ASTE1: variants seen among roughly 807,000 people sequenced by gnomAD.
The protein encoded by ASTE1 is asteroid structure-specific endonuclease 1, also known as single-strand DNA endonuclease ASTE1.
In ASTE1, 49 loss-of-function variants were observed where a neutral mutation model predicts 45.8. The ratio of observed to expected loss-of-function variants is 1.07; its 90% CI spans 0.85 to 1.36. ASTE1 has a LOEUF of 1.36. Ranked by LOEUF, ASTE1 falls within the 40% of genes most tolerant of loss-of-function variation. ASTE1 has a pLI of 0.00. For missense variants in ASTE1, 709 were observed against 804.0 expected, an observed-to-expected ratio of 0.88 and a Z score of 1.43; for synonymous variants, 296 against 303.9, an observed-to-expected ratio of 0.97 and a Z score of 0.27.
In ASTE1 at chr3:131,024,717, C is replaced by T; in HGVS notation, c.590G>A (p.Cys197Tyr). 2 of 1,605,208 alleles carry T rather than the reference C, an allele frequency of 1.2e-6. No homozygotes were observed. The highest frequency in any genetic ancestry group is 8.5e-7 in the Non-Finnish European group (1 of 1,175,620). Residue 197 changes from cysteine to tyrosine, a missense_variant, in exon 3 of 6, where the codon TGC (cysteine) becomes TAC (tyrosine). Transcript: ENST00000264992. The part of the protein sequence containing the change: ...KGTQNYIPAK[C>Y]FSLDAFCHHF... ...ATGGCAGAATGCATCAAGGGAAAAG[C>T]ATTTGGCAGGGATATAGTTTTGTGT... is the stretch of plus-strand genomic sequence containing the variant.
rs781599752 is a variant in ASTE1 at position 131,014,144 on chromosome 3, G to A, written c.1953C>T (p.Thr651=). 6.2e-7 allele frequency: 1 copy of A among 1,613,386 alleles called. No homozygotes were observed. The highest frequency in any genetic ancestry group is 1.1e-5 in the South Asian group (1 of 90,990). Residue 651 remains threonine, a synonymous_variant, in exon 6 of 6, where the codon ACC becomes ACT. Transcript: ENST00000264992. ...GGTTGTTTCCCTCATACCAACACTT[G>A]GTGTGTGCAGTGGTTCTCCCTCTGT... The part of the protein sequence containing the change: ...SKNRGRTTAH[T]KCWYEGNNRF...
At chr3:131,018,093 G>T (rs2063687104) in intron 4 of ASTE1, among the ~76,000 whole-genome samples, 1 of 152,112 alleles carries the variant, frequency 6.6e-6, no homozygotes, top group South Asian at 2.1e-4. Flanking sequence ...GAATGTAGTG[G>T]TTGTAGGTAT....
rs1179384953 is a variant in ASTE1, at chr3:131,016,298, C to T, written c.1555G>A (p.Ala519Thr). Residue 519 changes from alanine (A) to threonine (T), a missense_variant, in exon 5 of 6, where the codon GCA (alanine) becomes ACA (threonine). Transcript: ENST00000264992. Reference protein sequence around the residue: ...LQEDGAKMLYAEFQRVKAQTR... With the variant: ...LQEDGAKMLYTEFQRVKAQTR... Reference sequence around the variant, plus strand: ...TGCGCCTTCACTCTTTGGAACTCTGCATACAACATCTTAGCACCATCTTCC... The same window carrying T: ...TGCGCCTTCACTCTTTGGAACTCTGTATACAACATCTTAGCACCATCTTCC... The T allele has an allele frequency of 6.2e-7, 1 of 1,614,044 alleles. No individual in the cohort carries two copies. The highest frequency in any genetic ancestry group is 1.3e-5 in the African/African-American group (1 of 74,904).
At chr3:131,020,191 CTGACT>C (rs1393315349) in intron 3 of ASTE1, among the ~76,000 whole-genome samples, 1 of 152,212 alleles carries the variant, frequency 6.6e-6, no homozygotes, top group African/African-American at 2.4e-5. Flanking sequence ...TACAGTCTGT[CTGACT>C]TATCTGTAAA....
At chr3:131,026,066 C>A (rs2063865300) in intron 1 of ASTE1, 1 of 151,974 alleles carries the variant, frequency 6.6e-6, no homozygotes, top group Non-Finnish European at 1.5e-5. Flanking sequence ...TTTCTTTTGA[C>A]ACCTCGGGCT....
At position 131,019,419 on chromosome 3, in the gene ASTE1, G is replaced by A. The variant is rs181288590; in HGVS notation, c.1303-703C>T. 1.9e-3 allele frequency among the ~76,000 whole-genome samples: 288 copies of A among 152,294 alleles called. 4 individuals are homozygous for A. Among genetic ancestry groups the A allele is most frequent in the African/African-American group, 6.4e-3 (268 of 41,556 alleles). On this transcript the variant is annotated intron_variant, in intron 3 of 5. Transcript: ENST00000264992. ...ACTTGCATTGTGCTTGGAGTAACAC[G>A]CCATACTTTTACTTCATGGTTTAGC...
rs775706492 is a variant in ASTE1, at chr3:131,016,257, T to C, written c.1596A>G (p.Thr532=). The change falls in exon 5 of 6, where the codon ACA becomes ACG. Residue 532 remains threonine (T), a synonymous_variant. Transcript: ENST00000264992. ...TGTGAGCTGTGTCTAAGTCCAGTCT[T>C]GTGCCCAGCCGTGTCTGCGCCTTCA... ...QRVKAQTRLG[T]RLDLDTAHIF... The C allele has an allele frequency of 8.0e-5, 129 of 1,614,074 alleles. No individual in the cohort carries two copies. Among genetic ancestry groups the C allele is most frequent in the Non-Finnish European group, 1.0e-4 (118 of 1,180,046 alleles).
chr3:131,016,965 TG>T, intron 4 of ASTE1: 1 of 1,285,566 alleles, frequency 7.8e-7, no homozygotes, highest in South Asian at 1.2e-5. Flanking sequence ...TGGACCAATT[TG>T]AAAATAATAA....
intron 2 of ASTE1, 66 bp downstream of exon 2, chr3:131,025,408 A>G (rs1008755168): frequency 1.3e-6 from 2 of 1,500,572 alleles, no homozygotes; most frequent in Middle Eastern, 1.8e-4. Flanking sequence ...GCACCATTAA[A>G]TCAATAGCAA....
At chr3:131,018,199 A>G (rs1330140310) in intron 4 of ASTE1, among the ~76,000 whole-genome samples, 1 of 152,174 alleles carries the variant, frequency 6.6e-6, no homozygotes, top group Non-Finnish European at 1.5e-5. Context: ...TGCAGCTGGC[A>G]AAATACACTG....
At chr3:131,016,632 C>T (rs1176019290) in intron 4 of ASTE1, 2 of 414,552 alleles carry the variant, frequency 4.8e-6, no homozygotes, top group Non-Finnish European at 8.9e-6. Context: ...CATTTGAATT[C>T]TCTAAACCCT....
chr3:131,017,056 GA>G, intron 4 of ASTE1: 1 of 1,289,268 alleles, frequency 7.8e-7, no homozygotes, highest in South Asian at 1.2e-5. Context: ...TTTCCTAAAA[GA>G]AAAGAAACAG....
At chr3:131,025,681 T>A (rs1280379160) in intron 1 of ASTE1, 87 bp from the exon 2 acceptor site, 2 of 199,074 alleles carry the variant, frequency 1.0e-5, no homozygotes, top group Non-Finnish European at 2.0e-5. Flanking sequence ...ATAGTCAACA[T>A]CTTACAGCAC....
chr3:131,015,035 G>T lies in ASTE1; in HGVS notation c.1710-648C>A, dbSNP rs1157828295. 5 of 519,906 alleles carry T rather than the reference G, an allele frequency of 9.6e-6. No individual in the cohort carries two copies. The African/African-American group carries it at 9.7e-5, about 10-fold the overall frequency. 32.2% of individuals were successfully genotyped at this position (519,906 alleles called of 1,614,324 possible). A position where few individuals can be genotyped will look rare whatever the true frequency, so the allele number is the denominator to read the frequency against. ...TAAAAGGATTTGTGGTAACTAAAGA[G>T]GATCCAGTCAAGAATGGCCTTAAAT... is the stretch of plus-strand genomic sequence containing the variant. On this transcript the variant is annotated intron_variant, in intron 5 of 5. Coordinates refer to ENST00000264992, the MANE Select transcript of ASTE1 (RefSeq NM_014065.4).
intron 4 of ASTE1, among the ~76,000 whole-genome samples, chr3:131,017,315 T>G (rs1470507418): frequency 6.6e-6 from 1 of 152,230 alleles, no homozygotes; most frequent in Admixed American, 6.5e-5. Context: ...GTTTCATTCT[T>G]TTATCTAACT....
At chr3:131,017,032 G>C in intron 4 of ASTE1, 1 of 1,289,370 alleles carries the variant, frequency 7.8e-7, no homozygotes, top group African/African-American at 1.5e-5. Flanking sequence ...GCCTGCCTGG[G>C]TACAGGGTCC....
chr3:131,024,051 G>C lies in ASTE1; in HGVS notation c.1256C>G (p.Ala419Gly), dbSNP rs757541824. 2.4e-5 allele frequency: 38 copies of C among 1,613,596 alleles called. No homozygotes were observed. The highest frequency in any genetic ancestry group is 2.6e-5 in the Non-Finnish European group (31 of 1,179,536). Residue 419 changes from alanine to glycine, a missense_variant, in exon 3 of 6, where the codon GCA (alanine) becomes GGA (glycine). By Grantham distance (60) the Ala-to-Gly change is moderately conservative. Transcript: ENST00000264992. The stretch of plus-strand genomic sequence containing the variant: ...AGAATGATCCTTGGCCAGTTCTACT[G>C]CATCAATGATTGAGGTTCTGATATT... ...NKNIRTSIIDAVELAKDHSDL... is the reference protein window; with the variant it reads ...NKNIRTSIIDGVELAKDHSDL...
intron 3 of ASTE1, among the ~76,000 whole-genome samples, chr3:131,019,651 G>C (rs1336086562): frequency 6.6e-6 from 1 of 152,202 alleles, no homozygotes; most frequent in Non-Finnish European, 1.5e-5. Context: ...TATTCCTAGT[G>C]TCTGCACACA....
chr3:131,024,119 A>T lies in ASTE1; in HGVS notation c.1188T>A (p.Pro396=). Residue 396 remains proline, a synonymous_variant, in exon 3 of 6, where the codon CCT becomes CCA. Transcript: ENST00000264992. ...HLDKTSWNAL[P]PQPLAFSEVE... Reference sequence around the variant, plus strand: ...CTTCACTGAAAGCTAGAGGCTGAGGAGGCAATGCATTCCAGGATGTCTTGT... The same window carrying T: ...CTTCACTGAAAGCTAGAGGCTGAGGTGGCAATGCATTCCAGGATGTCTTGT... 2 of 1,614,220 alleles carry T rather than the reference A, an allele frequency of 1.2e-6. No individual in the cohort carries two copies. Among genetic ancestry groups the T allele is most frequent in the Non-Finnish European group, 1.7e-6 (2 of 1,180,022 alleles).
Sources: gnomAD v4.1 joint callset for allele counts (sites outside exome capture counted in the v4.1 genomes callset) on GRCh38, gnomAD v4.1.1 for gene constraint, MANE v1.5 for transcripts, NCBI Gene and HGNC (gene_info 2026-07-23, HGNC 2026-07-21) for gene names.